The following ALPK1 variants were observed in gnomAD, a reference collection of about 807,000 sequenced individuals.
The protein encoded by ALPK1 is alpha-protein kinase 1.
Under a neutral mutation model 120.6 loss-of-function variants are expected in ALPK1, and 110 were observed. The observed-to-expected ratio is 0.91, with a 90% CI of 0.78 to 1.07. ALPK1 has a LOEUF of 1.07. Ranked by LOEUF, ALPK1 falls within the 50% of genes least tolerant of loss-of-function variation. ALPK1 has a pLI of 0.00. For synonymous variants in ALPK1, 582 were observed against 560.3 expected (o/e 1.04, Z -0.55); for missense variants, 1,498 against 1,483.9 (o/e 1.01, Z -0.16).
chr4:112,432,042 C>T lies in ALPK1; in HGVS notation c.2495C>T (p.Ser832Phe), dbSNP rs1192623521. 1 of 1,613,792 alleles carries T rather than the reference C, an allele frequency of 6.2e-7. No individual in the cohort carries two copies. The highest frequency in any genetic ancestry group is 1.3e-5 in the African/African-American group (1 of 74,912). The change falls in exon 11 of 16, where the codon TCC (serine) becomes TTC (phenylalanine). Residue 832 changes from serine to phenylalanine, a missense_variant. Physicochemically the swap from Ser to Phe is radical, Grantham distance 155 (BLOSUM62 -2). Coordinates refer to ENST00000650871, the MANE Select transcript of ALPK1 (RefSeq NM_025144.4). ...TPNWPVQNPD[S>F]RKSGGPVAEQ... Reference sequence around the variant, plus strand: ...AATTGGCCTGTTCAAAATCCTGACTCCAGAAAAAGTGGTGGCCCAGTCGCA... The same window carrying T: ...AATTGGCCTGTTCAAAATCCTGACTTCAGAAAAAGTGGTGGCCCAGTCGCA...
chr4:112,425,818 T>C, intron 7 of ALPK1, 67 bp downstream of exon 7: 1 of 1,322,120 alleles, frequency 7.6e-7, no homozygotes, highest in Admixed American at 2.0e-5. Flanking sequence ...GGTTTCACTG[T>C]GGAATTTTCT....
At chr4:112,399,043 T>G (rs1732791470) in intron 4 of ALPK1, among the ~76,000 whole-genome samples, 1 of 152,192 alleles carries the variant, frequency 6.6e-6, no homozygotes, top group Non-Finnish European at 1.5e-5. Flanking sequence ...GACATCCAAC[T>G]TGGGCTATGG....
At chr4:112,413,216 G>T (rs1225900126) in intron 5 of ALPK1, among the ~76,000 whole-genome samples, 2 of 152,206 alleles carry the variant, frequency 1.3e-5, no homozygotes, top group Non-Finnish European at 2.9e-5. Context: ...TCTCTGAGGG[G>T]AACAGAGTGG....
chr4:112,369,425 C>G (rs920437232), intron 2 of ALPK1, among the ~76,000 whole-genome samples: 1 of 152,160 alleles, frequency 6.6e-6, no homozygotes, highest in Non-Finnish European at 1.5e-5. Context: ...ATTGTCATTG[C>G]TTGGTGCCTG....
At position 112,433,048 on chromosome 4, in the gene ALPK1, A is replaced by G. The variant is rs577327783; in HGVS notation, c.3034+467A>G. On this transcript the variant is annotated intron_variant, in intron 11 of 15. Coordinates refer to ENST00000650871, the MANE Select transcript of ALPK1 (RefSeq NM_025144.4). ...AACTGATTTTTCTCTATCTTTCCCC[A>G]TTAGAATTCTATGGGGACATGGTTT... is the stretch of plus-strand genomic sequence containing the variant. Among the ~76,000 whole-genome samples, 8 of 152,284 alleles carry G rather than the reference A, an allele frequency of 5.3e-5. No homozygotes were observed. The East Asian group carries it at 1.5e-3, about 29-fold the overall frequency.
At chr4:112,404,401 C>G (rs1733071841) in intron 4 of ALPK1, among the ~76,000 whole-genome samples, 2 of 152,154 alleles carry the variant, frequency 1.3e-5, no homozygotes, top group South Asian at 4.1e-4. Flanking sequence ...CCCACACTTC[C>G]TCTAATCCTG....
intron 10 of ALPK1, among the ~76,000 whole-genome samples, chr4:112,429,471 G>T (rs751918748): frequency 1.3e-5 from 2 of 152,184 alleles, no homozygotes; most frequent in African/African-American, 2.4e-5. Context: ...AGGGTAGATT[G>T]TTGTCTGTTG....
chr4:112,435,358 G>T lies in ALPK1; in HGVS notation c.3188+57G>T, dbSNP rs1371113992. Reference sequence around the variant, plus strand: ...TAAGATGAGCTAACCTTGCTCTTCTGTTAAGTAATCACTCATGAGACTTCG... The same window carrying T: ...TAAGATGAGCTAACCTTGCTCTTCTTTTAAGTAATCACTCATGAGACTTCG... On this transcript the variant is annotated intron_variant, in intron 12 of 15. Coordinates refer to ENST00000650871, the MANE Select transcript of ALPK1 (RefSeq NM_025144.4). 4.6e-6 allele frequency: 7 copies of T among 1,526,704 alleles called. No individual in the cohort carries two copies. The African/African-American group carries it at 9.8e-5, about 21-fold the overall frequency. 94.6% of individuals were successfully genotyped at this position (1,526,704 alleles called of 1,614,324 possible). A position where few individuals can be genotyped will look rare whatever the true frequency, so the allele number is the denominator to read the frequency against.
At chr4:112,418,941 A>T (rs1350391467) in intron 5 of ALPK1, among the ~76,000 whole-genome samples, 4 of 152,234 alleles carry the variant, frequency 2.6e-5, no homozygotes, top group Non-Finnish European at 5.9e-5. Context: ...AATGAAAGGA[A>T]ATAAAAGGTA....
chr4:112,397,768 T>A (rs1732722263), intron 4 of ALPK1, among the ~76,000 whole-genome samples: 1 of 152,196 alleles, frequency 6.6e-6, no homozygotes, highest in African/African-American at 2.4e-5. Flanking sequence ...GGTGAATGAA[T>A]TAGAATTACA....
intron 6 of ALPK1, chr4:112,425,083 T>A (rs1734177772): frequency 6.6e-6 from 1 of 152,286 alleles, no homozygotes; most frequent in African/African-American, 2.4e-5. Context: ...CCTGCCTGAA[T>A]CAAAGGAGCA....
intron 4 of ALPK1, among the ~76,000 whole-genome samples, chr4:112,395,853 A>T (rs1732626936): frequency 6.6e-6 from 1 of 152,186 alleles, no homozygotes; most frequent in Non-Finnish European, 1.5e-5. Flanking sequence ...ACAAATTCAC[A>T]TCACTCACAT....
chr4:112,430,891 G>A lies in ALPK1; in HGVS notation c.1344G>A (p.Gly448=), dbSNP rs1228356612. The change falls in exon 11 of 16, where the codon GGG becomes GGA. Residue 448 remains glycine, a synonymous_variant. Coordinates refer to ENST00000650871, the MANE Select transcript of ALPK1 (RefSeq NM_025144.4). The part of the protein sequence containing the change: ...ECRLDKLILH[G]QGDFQKILDT... ...GGTTGGATAAACTTATCTTGCATGG[G>A]CAAGGGGATTTCCAAAAAATCCTTG... 1 of 1,614,160 alleles carries A rather than the reference G, an allele frequency of 6.2e-7. No homozygotes were observed. Among genetic ancestry groups the A allele is most frequent in the South Asian group, 1.1e-5 (1 of 91,070 alleles).
At chr4:112,357,452 G>T in intron 2 of ALPK1, 1 of 708,054 alleles carries the variant, frequency 1.4e-6, no homozygotes. Flanking sequence ...GAGCACCACT[G>T]CAGCAGAAAG....
chr4:112,411,891 TG>T lies in ALPK1; in HGVS notation c.343del (p.Asp115ThrfsTer42). The T allele has an allele frequency of 6.2e-7, 1 of 1,614,106 alleles. No homozygotes were observed. Among genetic ancestry groups the T allele is most frequent in the East Asian group, 2.2e-5 (1 of 44,866 alleles). On this transcript the variant is annotated frameshift_variant, in exon 5 of 16. Coordinates refer to ENST00000650871, the MANE Select transcript of ALPK1 (RefSeq NM_025144.4). LOFTEE classifies it high-confidence loss of function. ...GCTGCGGCGGCTATTGTGTTCTTGG[TG>T]GACCGGTTCCTGTATGGGCTCGACG... ...CAAAAAIVFL[V>X]DRFLYGLDVS... is the part of the protein sequence containing the mutation.
intron 4 of ALPK1, among the ~76,000 whole-genome samples, chr4:112,388,110 A>T: frequency 6.6e-6 from 1 of 152,096 alleles, no homozygotes; most frequent in East Asian, 1.9e-4. Context: ...ACATGCTCTC[A>T]TTCTTTTTTA....
chr4:112,349,551 G>GCCCCCC (rs10625139), intron 2 of ALPK1, among the ~76,000 whole-genome samples: 128 of 103,722 alleles, frequency 1.2e-3, no homozygotes, highest in African/African-American at 2.4e-3. Context: ...CCCAACCCCT[G>GCCCCCC]CCCCCCCCCG....
intron 13 of ALPK1, 110 bp downstream of exon 13, chr4:112,438,756 C>G: frequency 7.2e-6 from 9 of 1,243,076 alleles, no homozygotes; most frequent in Admixed American, 2.0e-5. Context: ...GCAAACTATC[C>G]TTGTGTGTTG....
intron 2 of ALPK1, among the ~76,000 whole-genome samples, chr4:112,349,556 C>CCCCG (rs1553939392): frequency 7.0e-6 from 1 of 142,618 alleles, no homozygotes; most frequent in African/African-American, 2.7e-5. Flanking sequence ...CCCCTGCCCC[C>CCCCG]CCCCGCTTTA....
Sources: gnomAD v4.1 joint callset for allele counts (sites outside exome capture counted in the v4.1 genomes callset) on GRCh38, gnomAD v4.1.1 for gene constraint, MANE v1.5 for transcripts, NCBI Gene and HGNC (gene_info 2026-07-23, HGNC 2026-07-21) for gene names.